The following TET2 variants were observed in gnomAD, a reference collection of about 807,000 sequenced individuals.
TET2 encodes the protein tet methylcytosine dioxygenase 2.
Under a neutral mutation model 142.9 loss-of-function variants are expected in TET2, and 299 were observed. The observed-to-expected ratio is 2.09, with a 90% CI of 1.90 to 2.30. The LOEUF is 2.30. TET2 is among the 30% of genes most tolerant of loss of function. TET2 has a pLI of 0.00. For synonymous variants in TET2, 819 were observed against 849.0 expected (o/e 0.96, Z 0.61); for missense variants, 2,418 against 2,378.0 (o/e 1.02, Z -0.35).
At chr4:105,214,528 C>T (rs1727373400) in intron 2 of TET2, among the ~76,000 whole-genome samples, 1 of 145,040 alleles carries the variant, frequency 6.9e-6, no homozygotes. Context: ...CCAGTCTGGC[C>T]TCCAGCTCCT....
intron 2 of TET2, among the ~76,000 whole-genome samples, chr4:105,204,564 T>C (rs915257046): frequency 2.0e-5 from 3 of 152,184 alleles, no homozygotes; most frequent in Non-Finnish European, 4.4e-5. Flanking sequence ...TTACGTTTCT[T>C]GGAAAATTGA....
intron 2 of TET2, among the ~76,000 whole-genome samples, chr4:105,227,134 A>G (rs1388379444): frequency 6.6e-6 from 1 of 152,210 alleles, no homozygotes; most frequent in Admixed American, 6.5e-5. Flanking sequence ...GCTATAACCC[A>G]TAAGAGCATC....
Position 105,218,711 on chromosome 4 carries a change from G to A in TET2, c.-46-15186G>A, listed in dbSNP as rs114743545. ...AAAACTCAGCATTCTTGTTCTGACT[G>A]TGTCTATGTCCTGTAGGTATATGTC... On this transcript the variant is annotated intron_variant, in intron 2 of 10. Transcript: ENST00000380013. Among the ~76,000 whole-genome samples the A allele has an allele frequency of 2.8e-3, 423 of 152,060 alleles. 2 individuals carry two copies. Among genetic ancestry groups the A allele is most frequent in the South Asian group, 0.018 (89 of 4,816 alleles).
intron 1 of TET2, among the ~76,000 whole-genome samples, chr4:105,156,812 G>C (rs1448797373): frequency 6.6e-6 from 1 of 152,148 alleles, no homozygotes; most frequent in African/African-American, 2.4e-5. Flanking sequence ...CAGAATGTGA[G>C]AGTAATACAA....
intron 2 of TET2, among the ~76,000 whole-genome samples, chr4:105,217,196 T>C (rs1336443602): frequency 6.6e-6 from 1 of 151,728 alleles, no homozygotes; most frequent in Non-Finnish European, 1.5e-5. Context: ...GTTTAGCTCA[T>C]GGTGAAAAAA....
At chr4:105,266,197 G>T (rs1465228472) in intron 8 of TET2, among the ~76,000 whole-genome samples, 1 of 152,158 alleles carries the variant, frequency 6.6e-6, no homozygotes, top group African/African-American at 2.4e-5. Flanking sequence ...CAGCCAGACG[G>T]AGAAGACTTC....
intron 2 of TET2, among the ~76,000 whole-genome samples, chr4:105,191,585 T>C (rs1353681459): frequency 3.3e-5 from 5 of 152,170 alleles, no homozygotes; most frequent in African/African-American, 1.2e-4. Context: ...GCATTCAGCA[T>C]AACAAATCTT....
intron 1 of TET2, among the ~76,000 whole-genome samples, chr4:105,185,405 A>G (rs1725368837): frequency 6.6e-6 from 1 of 152,222 alleles, no homozygotes; most frequent in African/African-American, 2.4e-5. Flanking sequence ...GAATCCATTC[A>G]ATAAATTTTA....
intron 1 of TET2, 90 bp from the exon 2 acceptor site, chr4:105,190,270 T>C: frequency 2.0e-6 from 1 of 510,312 alleles, no homozygotes; most frequent in East Asian, 3.0e-5. Flanking sequence ...CAATTATAGG[T>C]ATCCAAAACC....
intron 2 of TET2, among the ~76,000 whole-genome samples, chr4:105,214,618 G>C (rs1727379103): frequency 6.6e-6 from 1 of 151,224 alleles, no homozygotes; most frequent in Non-Finnish European, 1.5e-5. Flanking sequence ...CCACCCTTCT[G>C]ATTTTGAGTC....
At chr4:105,224,208 C>T (rs2110596123) in intron 2 of TET2, among the ~76,000 whole-genome samples, 2 of 152,100 alleles carry the variant, frequency 1.3e-5, no homozygotes, top group Middle Eastern at 6.8e-3. Flanking sequence ...AAGCCCTCTT[C>T]ACAAATTTGA....
chr4:105,186,677 G>A (rs2110470131), intron 1 of TET2, among the ~76,000 whole-genome samples: 1 of 152,046 alleles, frequency 6.6e-6, no homozygotes, highest in Non-Finnish European at 1.5e-5. Flanking sequence ...TCATCATGTT[G>A]TCTAGGCAGG....
At chr4:105,148,705 G>T (rs1345481334) in intron 1 of TET2, among the ~76,000 whole-genome samples, 1 of 152,134 alleles carries the variant, frequency 6.6e-6, no homozygotes, top group Non-Finnish European at 1.5e-5. Flanking sequence ...GTTTGGAATA[G>T]AATATAAATT....
chr4:105,264,512 A>ATACT (rs1730596552), intron 8 of TET2, among the ~76,000 whole-genome samples: 1 of 152,150 alleles, frequency 6.6e-6, no homozygotes, highest in South Asian at 2.1e-4. Context: ...GGACCGTCTC[A>ATACT]TACTTGAAAC....
rs1237638072 is a variant in TET2, at chr4:105,244,584, A to ATCTTT, written c.3803+807_3803+808insCTTTT. On this transcript the variant is annotated intron_variant, in intron 6 of 10. Transcript: ENST00000380013. The stretch of plus-strand genomic sequence containing the variant: ...TGAATGTTCACGGTGCTACACAGAA[A>ATCTTT]TGTTTTTTTTTTTTTTTTTTTTTTT... Among the ~76,000 whole-genome samples, 504 of 116,738 alleles carry ATCTTT rather than the reference A, an allele frequency of 4.3e-3. 91 individuals carry two copies. Among genetic ancestry groups the ATCTTT allele is most frequent in the African/African-American group, 0.015 (414 of 28,446 alleles). The allele number at this position is 116,738 out of a possible 152,430, so 76.6% of individuals were successfully genotyped here. A position where few individuals can be genotyped will look rare whatever the true frequency, so the allele number is the denominator to read the frequency against.
intron 8 of TET2, among the ~76,000 whole-genome samples, chr4:105,267,239 T>C (rs971844991): frequency 1.3e-5 from 2 of 151,892 alleles, no homozygotes; most frequent in Non-Finnish European, 2.9e-5. Flanking sequence ...ACTTTAAAAA[T>C]GTTAAACGAA....
chr4:105,242,655 A>T (rs1729367125), intron 4 of TET2, 179 bp from the exon 5 acceptor site: 1 of 1,352,786 alleles, frequency 7.4e-7, no homozygotes, highest in African/African-American at 1.5e-5. Context: ...GAGGAAAAAC[A>T]AGGCTTAAAA....
rs550428273 is a variant in TET2 at position 105,206,931 on chromosome 4, A to AT, written c.-47+16428dup. 6.2e-4 allele frequency among the ~76,000 whole-genome samples: 94 copies of AT among 152,342 alleles called. 1 individual carries two copies. The South Asian group carries it at 0.019, about 30-fold the overall frequency. ...GCAGGCTTTCAAGAAGAGAGAATAA[A>AT]TTATCAGCCAGTCTCGCAAGAACAA... On this transcript the variant is annotated intron_variant, in intron 2 of 10. Transcript: ENST00000380013.
At chr4:105,169,294 A>G (rs572155245) in intron 1 of TET2, among the ~76,000 whole-genome samples, 4 of 152,174 alleles carry the variant, frequency 2.6e-5, no homozygotes, top group African/African-American at 9.6e-5. Flanking sequence ...AAAGTATTGC[A>G]TTGTGGTTTT....
Sources: gnomAD v4.1 joint callset for allele counts (sites outside exome capture counted in the v4.1 genomes callset) on GRCh38, gnomAD v4.1.1 for gene constraint, MANE v1.5 for transcripts, NCBI Gene and HGNC (gene_info 2026-07-23, HGNC 2026-07-21) for gene names.